Variants in ZNF524 observed in about 807,000 individuals in gnomAD.
ZNF524 encodes the protein zinc finger protein 524.
For synonymous variants in ZNF524, 194 were observed against 166.3 expected (o/e 1.17, Z -1.28); for missense variants, 388 against 380.1 (o/e 1.02, Z -0.17).
chr19:55,599,994 T>G (rs866712558), upstream of ZNF524: 2 of 152,198 alleles, frequency 1.3e-5, no homozygotes, highest in Non-Finnish European at 2.9e-5. Context: ...TTACGGGCAC[T>G]GGGCAGCCAT....
intron 1 of ZNF524, 185 bp downstream of exon 1, chr19:55,600,593 C>G (rs985024896): frequency 2.0e-5 from 3 of 151,618 alleles, no homozygotes; most frequent in Admixed American, 6.6e-5. Context: ...TTACCCGGCG[C>G]CGCTCATTGG....
At chr19:55,601,878 C>G (rs545823763) in intron 1 of ZNF524, 197 bp from the exon 2 acceptor site, 160 of 402,032 alleles carry the variant, frequency 4.0e-4, no homozygotes, top group African/African-American at 3.1e-3. Flanking sequence ...TGGTGGAGCT[C>G]AGGGAAGTGC....
At chr19:55,602,023 C>T in intron 1 of ZNF524, 52 bp from the exon 2 acceptor site, 1 of 1,255,182 alleles carries the variant, frequency 8.0e-7, no homozygotes, top group Non-Finnish European at 1.1e-6. Flanking sequence ...TTGGGGGACA[C>T]AGGGGTGCTC....
intron 1 of ZNF524, chr19:55,601,203 G>A (rs1980664538): frequency 6.6e-6 from 1 of 152,204 alleles, no homozygotes; most frequent in South Asian, 2.1e-4. Context: ...CACAAGACCT[G>A]TTTCCAGTTT....
upstream of ZNF524, chr19:55,600,243 AGGGGCCCGGCGCTTCTCCGAGGGGC>A (rs1376233761): frequency 6.7e-6 from 1 of 149,456 alleles, no homozygotes; most frequent in African/African-American, 2.5e-5. Flanking sequence ...GCAGGAAGGG[AGGGGCCCGGCGCTTCTCCGAGGGGC>A]GGGGCCGGCA....
Position 55,602,145 on chromosome 19 carries a change from G to A in ZNF524, c.33G>A (p.Ser11=). ...CCCCCAGCCCAGACCCGTTGCCTTC[G>A]CCTTTGCCCGGGGAGGAAGAGAAAC... MDTPSPDPLP[S]PLPGEEEKPL... The change falls in exon 2 of 2, where the codon TCG becomes TCA. Residue 11 remains serine, a synonymous_variant. Coordinates refer to ENST00000301073, the MANE Select transcript of ZNF524 (RefSeq NM_153219.4). The A allele has an allele frequency of 1.3e-6, 2 of 1,561,438 alleles. No individual in the cohort carries two copies. Among genetic ancestry groups the A allele is most frequent in the Non-Finnish European group, 1.7e-6 (2 of 1,152,318 alleles).
chr19:55,603,057 TC>T lies in ZNF524; in HGVS notation c.*152del. On this transcript the variant is annotated 3_prime_UTR_variant, in exon 2 of 2. Coordinates refer to ENST00000301073, the MANE Select transcript of ZNF524 (RefSeq NM_153219.4). ...GAGGGTGGAGACCTAAACTTTGGGG[TC>T]CAGCTGCCTTCAGCCCCCCTCCCCC... The T allele has an allele frequency of 2.1e-6, 2 of 933,838 alleles. No homozygotes were observed. Among genetic ancestry groups the T allele is most frequent in the Middle Eastern group, 3.4e-4 (1 of 2,908 alleles). The allele number at this position is 933,838 out of a possible 1,614,324, so 57.8% of individuals were successfully genotyped here.
At chr19:55,599,942 TA>T (rs907330786), upstream of ZNF524, 4 of 152,346 alleles carry the variant, frequency 2.6e-5, no homozygotes, top group Non-Finnish European at 5.9e-5. Flanking sequence ...CTTATCCACT[TA>T]GCACTCCATG....
chr19:55,600,890 C>T (rs1203610653), intron 1 of ZNF524: 1 of 152,424 alleles, frequency 6.6e-6, no homozygotes, highest in African/African-American at 2.4e-5. Context: ...CTCCCCTTCC[C>T]CTCCGTTACA....
intron 1 of ZNF524, 180 bp from the exon 2 acceptor site, chr19:55,601,895 A>C: frequency 2.4e-6 from 1 of 418,562 alleles, no homozygotes; most frequent in Non-Finnish European, 4.2e-6. Context: ...GTGCCTGTTT[A>C]TCAGCTGATA....
upstream of ZNF524, chr19:55,600,011 GCTC>G (rs1335508230): frequency 6.6e-6 from 1 of 152,180 alleles, no homozygotes; most frequent in African/African-American, 2.4e-5. Context: ...CCATTTTCCC[GCTC>G]CTCATCATTC....
At position 55,602,734 on chromosome 19, in the gene ZNF524, A is replaced by G. The variant is rs374200687; in HGVS notation, c.622A>G (p.Thr208Ala). 11 of 1,607,042 alleles carry G rather than the reference A, an allele frequency of 6.8e-6. No homozygotes were observed. The highest frequency in any genetic ancestry group is 8.5e-6 in the Non-Finnish European group (10 of 1,179,794). Residue 208 changes from threonine to alanine, a missense_variant, in exon 2 of 2, where the codon ACA (threonine) becomes GCA (alanine). Thr to Ala is a moderately conservative substitution (Grantham distance 58). Coordinates refer to ENST00000301073, the MANE Select transcript of ZNF524 (RefSeq NM_153219.4). Reference sequence around the variant, plus strand: ...GTGCCCCATCTGCCGGCTGCGCTTTACAGAGGCCAACACGCTCCGGCGCCA... The same window carrying G: ...GTGCCCCATCTGCCGGCTGCGCTTTGCAGAGGCCAACACGCTCCGGCGCCA... ...YQCPICRLRF[T>A]EANTLRRHAK...
Position 55,603,097 on chromosome 19 carries a change from C to T in ZNF524, c.*190C>T. 2 of 662,998 alleles carry T rather than the reference C, an allele frequency of 3.0e-6. No homozygotes were observed. Among genetic ancestry groups the T allele is most frequent in the Non-Finnish European group, 5.2e-6 (2 of 387,856 alleles). The allele number at this position is 662,998 out of a possible 1,614,324, so 41.1% of individuals were successfully genotyped here. A position where few individuals can be genotyped will look rare whatever the true frequency, so the allele number is the denominator to read the frequency against. ...CCCCCCTCCCCCAGACTAACAGACC[C>T]TTGGAGGCAGGGGCTGTGGAAATAA... On this transcript the variant is annotated 3_prime_UTR_variant, in exon 2 of 2. Transcript: ENST00000301073.
At position 55,602,325 on chromosome 19, in the gene ZNF524, G is replaced by T. The variant is rs767909058; in HGVS notation, c.213G>T (p.Gly71=). ...AGCCCCCACTGGTGCAGGTGCAGGG[G>T]GTGACAGCCCCAGTAGGCAGCAGTG... The part of the protein sequence containing the change: ...GQEPPLVQVQ[G]VTAPVGSSGG... The change falls in exon 2 of 2, where the codon GGG becomes GGT. Residue 71 remains glycine, a synonymous_variant. Transcript: ENST00000301073. The T allele has an allele frequency of 4.1e-5, 64 of 1,578,044 alleles. No individual in the cohort carries two copies. Among genetic ancestry groups the T allele is most frequent in the Non-Finnish European group, 5.1e-5 (59 of 1,162,328 alleles).
chr19:55,602,691 G>A lies in ZNF524; in HGVS notation c.579G>A (p.Ser193=). ...TGGCGCACCACCACCGCGTGCACTC[G>A]GGGGAGCGCCCGTACCAGTGCCCCA... ...GELAHHHRVH[S]GERPYQCPIC... Residue 193 remains serine (S), a synonymous_variant, in exon 2 of 2, where the codon TCG becomes TCA. Coordinates refer to ENST00000301073, the MANE Select transcript of ZNF524 (RefSeq NM_153219.4). The A allele has an allele frequency of 1.3e-6, 2 of 1,599,982 alleles. No homozygotes were observed. The highest frequency in any genetic ancestry group is 1.1e-5 in the South Asian group (1 of 90,710).
At chr19:55,601,782 T>TA (rs1980692568) in intron 1 of ZNF524, 2 of 216,436 alleles carry the variant, frequency 9.2e-6, no homozygotes, top group Admixed American at 1.1e-4. Context: ...AAGGTTTTTT[T>TA]TTGTGGGGAG....
rs1980784815 is a variant in ZNF524 at position 55,603,037 on chromosome 19, T to TG, written c.*132dup. On this transcript the variant is annotated 3_prime_UTR_variant, in exon 2 of 2. Transcript: ENST00000301073. ...TCCCGTTGTGGGAGCAGGTGGAGGG[T>TG]GGAGACCTAAACTTTGGGGTCCAGC... 8.4e-7 allele frequency: 1 copy of TG among 1,191,556 alleles called. No homozygotes were observed. The highest frequency in any genetic ancestry group is 1.5e-5 in the African/African-American group (1 of 64,652). 73.8% of individuals were successfully genotyped at this position (1,191,556 alleles called of 1,614,324 possible).
chr19:55,600,348 C>G lies in ZNF524; in HGVS notation c.-99C>G, dbSNP rs866010798. 6.7e-6 allele frequency: 1 copy of G among 149,960 alleles called. No homozygotes were observed. The highest frequency in any genetic ancestry group is 2.4e-5 in the African/African-American group (1 of 41,028). The allele number at this position is 149,960 out of a possible 1,614,324, so 9.3% of individuals were successfully genotyped here. On this transcript the variant is annotated 5_prime_UTR_variant, in exon 1 of 2. Coordinates refer to ENST00000301073, the MANE Select transcript of ZNF524 (RefSeq NM_153219.4). Reference sequence around the variant, plus strand: ...CCCCTCACCCCCTCCCCTTCCCACGCGCCGGCCCCGTTGCCCCCGCGCGCG... The same window carrying G: ...CCCCTCACCCCCTCCCCTTCCCACGGGCCGGCCCCGTTGCCCCCGCGCGCG...
chr19:55,602,607 CG>C lies in ZNF524; in HGVS notation c.497del (p.Gly166AlafsTer?). ...HLRRHCNIHA[G>X]LRPFRCPLCP... ...TGCGGCGGCACTGCAACATCCATGC[CG>C]GCCTGCGGCCCTTCCGCTGCCCGCT... On this transcript the variant is annotated frameshift_variant, in exon 2 of 2. Transcript: ENST00000301073. LOFTEE classifies it low-confidence loss of function (END_TRUNC). 6.3e-7 allele frequency: 1 copy of C among 1,580,306 alleles called. No homozygotes were observed. The highest frequency in any genetic ancestry group is 8.5e-7 in the Non-Finnish European group (1 of 1,169,626).
Sources: allele counts gnomAD v4.1 joint callset, GRCh38; gene constraint gnomAD v4.1.1; transcripts MANE v1.5; gene names NCBI Gene and HGNC (gene_info 2026-07-23, HGNC 2026-07-21).